FRMD4A: variants seen among roughly 807,000 people sequenced by gnomAD.
FRMD4A encodes FERM domain containing 4A.
In FRMD4A, 29 loss-of-function variants were observed where a neutral mutation model predicts 129.1. That is an observed-to-expected ratio of 0.22 (90% CI 0.17 to 0.31). The LOEUF is 0.31. Among genes scored for constraint, FRMD4A ranks in the 10% least tolerant of loss-of-function variants. The pLI is 1.00. For missense variants in FRMD4A, 1,272 were observed against 1,375.8 expected (o/e 0.92, Z 1.19); for synonymous variants, 634 against 571.6 (o/e 1.11, Z -1.56).
At chr10:14,160,860 A>G (rs1840847855) in intron 2 of FRMD4A, among the ~76,000 whole-genome samples, 1 of 152,224 alleles carries the variant, frequency 6.6e-6, no homozygotes. Context: ...GAGACAAAAA[A>G]TAACAAATGC....
chr10:14,029,415 G>A (rs187696433), intron 2 of FRMD4A, among the ~76,000 whole-genome samples: 2 of 152,112 alleles, frequency 1.3e-5, no homozygotes, highest in East Asian at 3.9e-4. Flanking sequence ...ACGCATGAGT[G>A]CTCCGCAAAA....
rs539270670 is a variant in FRMD4A at position 14,023,133 on chromosome 10, A to C, written c.46-164221T>G. ...TTCTCATAAAGTCATGACCCTGGCC[A>C]TGAATCTCCCATCCCTGGAAACCCA... On this transcript the variant is annotated intron_variant, in intron 2 of 24. Transcript: ENST00000357447. Among the ~76,000 whole-genome samples, 36 of 152,142 alleles carry C rather than the reference A, an allele frequency of 2.4e-4. 1 individual carries two copies. The highest frequency in any genetic ancestry group is 1.2e-3 in the Admixed American group (19 of 15,278).
intron 6 of FRMD4A, among the ~76,000 whole-genome samples, chr10:13,767,531 GC>G (rs2092325090): frequency 6.6e-6 from 1 of 152,154 alleles, no homozygotes; most frequent in Admixed American, 6.5e-5. Flanking sequence ...GAGCCTCCGT[GC>G]CCGGCCAGAG....
At chr10:13,929,858 T>A (rs2095173878) in intron 2 of FRMD4A, among the ~76,000 whole-genome samples, 1 of 152,210 alleles carries the variant, frequency 6.6e-6, no homozygotes, top group Non-Finnish European at 1.5e-5. Flanking sequence ...TTGAACTTTC[T>A]TTGTGTCAGT....
intron 2 of FRMD4A, among the ~76,000 whole-genome samples, chr10:14,143,063 TG>T (rs1839913530): frequency 6.6e-6 from 1 of 152,218 alleles, no homozygotes; most frequent in Non-Finnish European, 1.5e-5. Context: ...GTGCAGCTGC[TG>T]TGGAAAACAG....
At chr10:14,115,600 G>C (rs1177320987) in intron 2 of FRMD4A, among the ~76,000 whole-genome samples, 1 of 152,182 alleles carries the variant, frequency 6.6e-6, no homozygotes, top group African/African-American at 2.4e-5. Flanking sequence ...CATGGGAAAG[G>C]ATCCTTCATG....
At chr10:14,007,959 C>T (rs765357070) in intron 2 of FRMD4A, 14 of 1,248,046 alleles carry the variant, frequency 1.1e-5, no homozygotes, top group Middle Eastern at 2.2e-4. Context: ...TCCAACTGTT[C>T]AGGAAACGTG....
intron 2 of FRMD4A, among the ~76,000 whole-genome samples, chr10:13,943,646 C>CAAAAAAAAAAAAAAAAAAAAAAAAAAAAA (rs55774636): frequency 1.0e-4 from 6 of 58,268 alleles, no homozygotes; most frequent in Admixed American, 2.7e-4. Flanking sequence ...GACTCTGTCT[C>CAAAAAAAAAAAAAAAAAAAAAAAAAAAAA]AAAAAAAAAA....
chr10:13,722,148 C>A (rs956152809), intron 12 of FRMD4A, among the ~76,000 whole-genome samples: 1 of 151,328 alleles, frequency 6.6e-6, no homozygotes, highest in African/African-American at 2.4e-5. Context: ...TGCAAAATCC[C>A]GTGCAGCAGA....
At chr10:13,690,188 C>A (rs2085549136) in intron 15 of FRMD4A, among the ~76,000 whole-genome samples, 1 of 152,168 alleles carries the variant, frequency 6.6e-6, no homozygotes, top group Non-Finnish European at 1.5e-5. Context: ...GAATTGCAAG[C>A]AGCGGGGCTT....
intron 2 of FRMD4A, among the ~76,000 whole-genome samples, chr10:14,056,984 CTA>C (rs1174975936): frequency 2.0e-5 from 3 of 152,168 alleles, no homozygotes; most frequent in African/African-American, 7.2e-5. Context: ...GTCTGGCAGG[CTA>C]TGTTTTTCTC....
intron 2 of FRMD4A, among the ~76,000 whole-genome samples, chr10:14,269,024 G>A (rs2132043758): frequency 6.6e-6 from 1 of 152,334 alleles, no homozygotes; most frequent in African/African-American, 2.4e-5. Context: ...GGGCAGAAAT[G>A]GGAAACCTCA....
chr10:14,221,045 G>A (rs987928799), intron 2 of FRMD4A, among the ~76,000 whole-genome samples: 1 of 152,106 alleles, frequency 6.6e-6, no homozygotes, highest in South Asian at 2.1e-4. Context: ...GCTGGATTGA[G>A]GAGCAGAGAG....
rs10674411 is a variant in FRMD4A at position 14,227,243 on chromosome 10, C to CTTTTTTTTTT, written c.45+102805_45+102814dup. On this transcript the variant is annotated intron_variant, in intron 2 of 24. Transcript: ENST00000357447. ...TCCTCCTCCTCCTTCTCTTCTTCTT[C>CTTTTTTTTTT]TTTTTTTTTTTTTTTTTTTTTTTTT... Among the ~76,000 whole-genome samples the CTTTTTTTTTT allele has an allele frequency of 4.3e-3, 273 of 64,128 alleles. 66 individuals carry two copies. The highest frequency in any genetic ancestry group is 0.017 in the Middle Eastern group (1 of 58). 42.1% of individuals were successfully genotyped at this position (64,128 alleles called of 152,430 possible). A position where few individuals can be genotyped will look rare whatever the true frequency, so the allele number is the denominator to read the frequency against.
In FRMD4A at chr10:14,128,913, G is replaced by A. The variant is rs1243455961; in HGVS notation, c.45+201145C>T. On this transcript the variant is annotated intron_variant, in intron 2 of 24. Coordinates refer to ENST00000357447, the MANE Select transcript of FRMD4A (RefSeq NM_018027.5). ...TAAAGAACCTGAAAAAATGCTGGGT[G>A]CACGGATGCATGGATGGGTGCCTGG... Among the ~76,000 whole-genome samples the A allele has an allele frequency of 2.6e-5, 4 of 152,140 alleles. No homozygotes were observed. In the East Asian group the frequency reaches 7.7e-4, roughly 29 times the overall value.
chr10:13,895,534 T>C (rs1284192704), intron 2 of FRMD4A, among the ~76,000 whole-genome samples: 1 of 152,196 alleles, frequency 6.6e-6, no homozygotes, highest in Admixed American at 6.5e-5. Flanking sequence ...CAAAACCTTT[T>C]GTGCTTGGGG....
At chr10:13,680,529 A>T (rs2084464403) in intron 15 of FRMD4A, among the ~76,000 whole-genome samples, 1 of 152,160 alleles carries the variant, frequency 6.6e-6, no homozygotes, top group African/African-American at 2.4e-5. Flanking sequence ...TTTTGAGACC[A>T]GCCTGGCCAA....
intron 4 of FRMD4A, among the ~76,000 whole-genome samples, chr10:13,803,508 T>A (rs1053799481): frequency 1.6e-4 from 8 of 49,374 alleles, no homozygotes; most frequent in East Asian, 3.3e-4. Context: ...ATTAAACAAA[T>A]TTTTTTTTTT....
intron 4 of FRMD4A, among the ~76,000 whole-genome samples, chr10:13,799,461 G>A (rs530311739): frequency 5.9e-5 from 9 of 152,320 alleles, no homozygotes; most frequent in South Asian, 4.1e-4. Flanking sequence ...CCCAGCACCA[G>A]TTGACTTTCT....
Sources: allele counts gnomAD v4.1 joint callset (sites outside exome capture counted in the v4.1 genomes callset), GRCh38; gene constraint gnomAD v4.1.1; transcripts MANE v1.5; gene names NCBI Gene and HGNC (gene_info 2026-07-23, HGNC 2026-07-21).